OPA3: variants seen among roughly 807,000 people sequenced by gnomAD.
OPA3 encodes the protein outer mitochondrial membrane lipid metabolism regulator OPA3.
Under a neutral mutation model 4.0 loss-of-function variants are expected in OPA3, and 6 were observed. The ratio of observed to expected loss-of-function variants is 1.51; its 90% confidence interval spans 0.83 to 2.99. OPA3 has a LOEUF of 2.99. Among genes scored for constraint, OPA3 ranks in the 30% most tolerant of loss-of-function variants. The pLI is 0.00. For missense variants in OPA3, 235 were observed against 256.2 expected, an observed-to-expected ratio of 0.92 and a Z score of 0.56; for synonymous variants, 105 against 117.1, an observed-to-expected ratio of 0.90 and a Z score of 0.67.
chr19:45,550,937 T>A lies in OPA3; in HGVS notation c.*2577A>T. On this transcript the variant is annotated 3_prime_UTR_variant, in exon 2 of 2. Coordinates refer to ENST00000263275, the MANE Select transcript of OPA3 (RefSeq NM_025136.4). The stretch of plus-strand genomic sequence containing the variant: ...CCTCTCAGCTAGCAGGAAGGCCAAA[T>A]GGCCCGCGGGGTTGGCAGGAGTCCC... 1.0e-6 allele frequency: 1 copy of A among 985,624 alleles called. No homozygotes were observed. Among genetic ancestry groups the A allele is most frequent in the Non-Finnish European group, 1.2e-6 (1 of 829,980 alleles). The allele number at this position is 985,624 out of a possible 1,614,324, so 61.1% of individuals were successfully genotyped here.
chr19:45,552,921 C>T lies in OPA3; in HGVS notation c.*593G>A. The stretch of plus-strand genomic sequence containing the variant: ...GAACTCCTGACCTCAAGTGATCCGC[C>T]CGCCTCGGCCTCCCAAGGTGCTAGG... On this transcript the variant is annotated 3_prime_UTR_variant, in exon 2 of 2. Coordinates refer to ENST00000263275, the MANE Select transcript of OPA3 (RefSeq NM_025136.4). 1.1e-6 allele frequency: 1 copy of T among 892,444 alleles called. No homozygotes were observed. Among genetic ancestry groups the T allele is most frequent in the Non-Finnish European group, 1.3e-6 (1 of 745,048 alleles). 55.3% of individuals were successfully genotyped at this position (892,444 alleles called of 1,614,324 possible).
At chr19:45,580,293 CTT>C (rs539421587) in intron 1 of OPA3, among the ~76,000 whole-genome samples, 55 of 121,758 alleles carry the variant, frequency 4.5e-4, no homozygotes, top group Admixed American at 2.1e-3. Context: ...TGCACCCGGC[CTT>C]TTTTTTTTTT....
intron 1 of OPA3, among the ~76,000 whole-genome samples, chr19:45,580,670 G>T (rs181667120): frequency 0.012 from 1,858 of 149,982 alleles, 41 homozygotes; most frequent in African/African-American, 0.042. Flanking sequence ...CCAAGCTGGA[G>T]TGCAGTGGTG....
In OPA3 at chr19:45,552,138, T is replaced by A; in HGVS notation, c.*1376A>T. On this transcript the variant is annotated 3_prime_UTR_variant, in exon 2 of 2. Transcript: ENST00000263275. ...GCCATAGACTCAAGGATGAGGGGGT[T>A]CTGTTGGAATAGTCCACTTCGGGTC... 1.0e-6 allele frequency: 1 copy of A among 985,376 alleles called. No homozygotes were observed. 61.0% of individuals were successfully genotyped at this position (985,376 alleles called of 1,614,324 possible).
At position 45,553,709 on chromosome 19, in the gene OPA3, C is replaced by T; in HGVS notation, c.345G>A (p.Gln115=). The change falls in exon 2 of 2, where the codon CAG becomes CAA. Residue 115 remains glutamine (Q), a synonymous_variant. Coordinates refer to ENST00000263275, the MANE Select transcript of OPA3 (RefSeq NM_025136.4). The stretch of plus-strand genomic sequence containing the variant: ...CCCGCAGCGCGTTCCAGGCAGCACG[C>T]TGCTCCTCCTCCTTGTGGCGCTGCT... ...QAQQRHKEEE[Q]RAAWNALRDE... The T allele has an allele frequency of 6.2e-7, 1 of 1,608,864 alleles. No individual in the cohort carries two copies. Among genetic ancestry groups the T allele is most frequent in the East Asian group, 2.2e-5 (1 of 44,854 alleles).
At chr19:45,575,038 G>C (rs1599995583) in intron 1 of OPA3, among the ~76,000 whole-genome samples, 1 of 152,260 alleles carries the variant, frequency 6.6e-6, no homozygotes, top group East Asian at 1.9e-4. Context: ...ACCAGCAAAA[G>C]AACTGTCCGG....
chr19:45,568,062 G>T (rs950561689), intron 1 of OPA3, among the ~76,000 whole-genome samples: 3 of 152,078 alleles, frequency 2.0e-5, no homozygotes, highest in Non-Finnish European at 2.9e-5. Flanking sequence ...GCACTGGTAC[G>T]ATCTCAGCTC....
At chr19:45,579,619 T>C (rs1414662633) in intron 1 of OPA3, among the ~76,000 whole-genome samples, 2 of 152,164 alleles carry the variant, frequency 1.3e-5, no homozygotes, top group African/African-American at 4.8e-5. Context: ...ATCTATAACA[T>C]CTACGTGACA....
chr19:45,569,862 G>C (rs1180001493), intron 1 of OPA3, among the ~76,000 whole-genome samples: 1 of 152,108 alleles, frequency 6.6e-6, no homozygotes, highest in African/African-American at 2.4e-5. Context: ...GGTTCCCAAT[G>C]ACACCACTGA....
At chr19:45,574,983 C>A (rs937280837) in intron 1 of OPA3, among the ~76,000 whole-genome samples, 14 of 152,128 alleles carry the variant, frequency 9.2e-5, no homozygotes, top group Non-Finnish European at 1.6e-4. Flanking sequence ...TGACTCCAGC[C>A]CAGCCACCTC....
chr19:45,584,600 G>T, intron 1 of OPA3, 23 bp downstream of exon 1: 1 of 1,614,174 alleles, frequency 6.2e-7, no homozygotes, highest in Non-Finnish European at 8.5e-7. Flanking sequence ...AAAAAGGTTG[G>T]AGGGAATTCG....
chr19:45,568,930 G>A lies in OPA3; in HGVS notation c.143-15019C>T, dbSNP rs150399489. 6.6e-5 allele frequency among the ~76,000 whole-genome samples: 10 copies of A among 152,286 alleles called. No homozygotes were observed. The East Asian group carries it at 1.9e-3, about 29-fold the overall frequency. ...CTCAAATGTGCCCCATGAGAGCAAG[G>A]ATCTTTGTTCTGTTGACTACTGAGT... is the stretch of plus-strand genomic sequence containing the variant. On this transcript the variant is annotated intron_variant, in intron 1 of 1. Coordinates refer to ENST00000263275, the MANE Select transcript of OPA3 (RefSeq NM_025136.4).
intron 1 of OPA3, among the ~76,000 whole-genome samples, chr19:45,555,656 A>C (rs1004565277): frequency 2.0e-5 from 3 of 152,010 alleles, no homozygotes; most frequent in African/African-American, 7.3e-5. Flanking sequence ...ACGCCCAGCT[A>C]ATTTTTTTAT....
Position 45,572,768 on chromosome 19 carries a change from T to G in OPA3, c.142+11855A>C, listed in dbSNP as rs375875473. Among the ~76,000 whole-genome samples, 10 of 62,456 alleles carry G rather than the reference T, an allele frequency of 1.6e-4. No homozygotes were observed. The East Asian group carries it at 2.6e-3, about 16-fold the overall frequency. 41.0% of individuals were successfully genotyped at this position (62,456 alleles called of 152,430 possible). On this transcript the variant is annotated intron_variant, in intron 1 of 1. Transcript: ENST00000263275. Reference sequence around the variant, plus strand: ...ATAGATATATATCTCGATATATATCTATATATATCATACTATATATAGATA... The same window carrying G: ...ATAGATATATATCTCGATATATATCGATATATATCATACTATATATAGATA...
intron 1 of OPA3, among the ~76,000 whole-genome samples, chr19:45,537,126 T>TA (rs966050326): frequency 6.6e-6 from 1 of 152,112 alleles, no homozygotes; most frequent in African/African-American, 2.4e-5. Context: ...GGCTAATTTT[T>TA]AAAAAACTTT....
downstream of OPA3, among the ~76,000 whole-genome samples, chr19:45,544,331 C>A (rs546713162): frequency 6.6e-6 from 1 of 152,306 alleles, no homozygotes. Flanking sequence ...AAATTGTGGT[C>A]TAGCCTCACA....
downstream of OPA3, among the ~76,000 whole-genome samples, chr19:45,543,537 G>A (rs761609149): frequency 6.6e-6 from 1 of 151,820 alleles, no homozygotes; most frequent in Non-Finnish European, 1.5e-5. Flanking sequence ...GGCTAGTCTC[G>A]AACTCCTGAC....
At chr19:45,582,403 A>AC (rs1360297776) in intron 1 of OPA3, among the ~76,000 whole-genome samples, 1 of 150,768 alleles carries the variant, frequency 6.6e-6, no homozygotes, top group Non-Finnish European at 1.5e-5. Context: ...CAGGTGCTCC[A>AC]CCCCCCTCAG....
intron 1 of OPA3, among the ~76,000 whole-genome samples, chr19:45,580,391 T>G (rs1203159144): frequency 1.3e-5 from 2 of 150,194 alleles, no homozygotes; most frequent in East Asian, 2.0e-4. Flanking sequence ...CCTCCTGGGT[T>G]CAAGCGATTC....
Sources: allele counts gnomAD v4.1 joint callset (sites outside exome capture counted in the v4.1 genomes callset), GRCh38; gene constraint gnomAD v4.1.1; transcripts MANE v1.5; gene names NCBI Gene and HGNC (gene_info 2026-07-23, HGNC 2026-07-21).